The following AGBL1 variants were observed in gnomAD, a reference collection of about 807,000 sequenced individuals.
The protein encoded by AGBL1 is AGBL carboxypeptidase 1.
A neutral mutation model predicts 118.9 loss-of-function variants in AGBL1; 130 were observed. The observed-to-expected ratio is 1.09, with a 90% CI of 0.95 to 1.26. The LOEUF is 1.26. AGBL1 is among the 50% of genes most tolerant of loss of function. AGBL1 has a pLI of 0.00. For missense variants in AGBL1, 1,584 were observed against 1,298.1 expected, an observed-to-expected ratio of 1.22 and a Z score of -3.38; for synonymous variants, 555 against 478.9, an observed-to-expected ratio of 1.16 and a Z score of -2.08.
At chr15:86,890,832 A>T (rs1005447582) in intron 22 of AGBL1, among the ~76,000 whole-genome samples, 2 of 151,986 alleles carry the variant, frequency 1.3e-5, no homozygotes, top group African/African-American at 4.8e-5. Context: ...TAATGCCTCC[A>T]CCTTTGTTCT....
chr15:86,971,103 A>C (rs2081103626), intron 23 of AGBL1, among the ~76,000 whole-genome samples: 1 of 152,036 alleles, frequency 6.6e-6, no homozygotes, highest in Admixed American at 6.6e-5. Flanking sequence ...AAGGATATTG[A>C]GGGACAACTC....
chr15:86,246,008 C>G (rs1009208652), intron 6 of AGBL1, among the ~76,000 whole-genome samples: 4 of 152,160 alleles, frequency 2.6e-5, no homozygotes, highest in Non-Finnish European at 5.9e-5. Flanking sequence ...GCCTCAGTCT[C>G]CCTAGTAACT....
intron 22 of AGBL1, among the ~76,000 whole-genome samples, chr15:86,886,515 A>C (rs2079973298): frequency 6.6e-6 from 1 of 152,186 alleles, no homozygotes; most frequent in East Asian, 1.9e-4. Context: ...TTTAATTAGC[A>C]TTTGTTTTGG....
At chr15:86,543,791 T>C (rs1245054858) in intron 19 of AGBL1, among the ~76,000 whole-genome samples, 2 of 152,240 alleles carry the variant, frequency 1.3e-5, no homozygotes, top group African/African-American at 2.4e-5. Context: ...TACAGAATTG[T>C]TATGAACCAG....
intron 20 of AGBL1, among the ~76,000 whole-genome samples, chr15:86,554,040 T>C (rs1015430296): frequency 6.6e-6 from 1 of 151,982 alleles, no homozygotes; most frequent in Admixed American, 6.6e-5. Flanking sequence ...TTTGTATTTT[T>C]AGTAAGACGG....
At chr15:86,433,643 G>C (rs147369290) in intron 18 of AGBL1, among the ~76,000 whole-genome samples, 1 of 152,120 alleles carries the variant, frequency 6.6e-6, no homozygotes, top group African/African-American at 2.4e-5. Flanking sequence ...GGCATGCACT[G>C]TGTGGCAATT....
intron 16 of AGBL1, among the ~76,000 whole-genome samples, chr15:86,284,494 T>C (rs1286672031): frequency 6.6e-6 from 1 of 152,230 alleles, no homozygotes; most frequent in Non-Finnish European, 1.5e-5. Context: ...AGAACATGCC[T>C]GTAGCATATT....
chr15:86,346,470 C>A (rs1424198679), intron 17 of AGBL1, among the ~76,000 whole-genome samples: 2 of 152,040 alleles, frequency 1.3e-5, no homozygotes, highest in Non-Finnish European at 2.9e-5. Flanking sequence ...CCTCAGCCTC[C>A]CGAGTAACTG....
chr15:86,845,354 T>C (rs2079303628), intron 22 of AGBL1, among the ~76,000 whole-genome samples: 1 of 152,138 alleles, frequency 6.6e-6, no homozygotes, highest in South Asian at 2.1e-4. Flanking sequence ...TTGTCCTTTA[T>C]ACTATGCACT....
At chr15:86,569,143 C>A (rs2083962701) in intron 21 of AGBL1, among the ~76,000 whole-genome samples, 1 of 151,922 alleles carries the variant, frequency 6.6e-6, no homozygotes. Context: ...ATATGAAATC[C>A]AGATGCTGCT....
chr15:86,234,531 A>G (rs1476443726), intron 6 of AGBL1, among the ~76,000 whole-genome samples: 5 of 145,760 alleles, frequency 3.4e-5, no homozygotes, highest in African/African-American at 1.3e-4. Flanking sequence ...AGCCTGGGCG[A>G]CAGAGTGAGA....
In AGBL1 at chr15:86,257,953, T is replaced by A; in HGVS notation, c.902-11T>A. The A allele has an allele frequency of 6.2e-7, 1 of 1,612,586 alleles. No individual in the cohort carries two copies. The highest frequency in any genetic ancestry group is 8.5e-7 in the Non-Finnish European group (1 of 1,179,522). ...AAACTTCACTTATTTCACCTCTTTT[T>A]CCCCATCCAGAGGATTTTGAAGATG... On this transcript the variant is annotated splice_polypyrimidine_tract_variant and intron_variant, in intron 8 of 22. Transcript: ENST00000614907.
intron 22 of AGBL1, among the ~76,000 whole-genome samples, chr15:86,843,857 C>T (rs749629248): frequency 6.6e-5 from 10 of 152,140 alleles, no homozygotes; most frequent in Non-Finnish European, 1.2e-4. Flanking sequence ...TTATCATCAT[C>T]CCTATTTTCC....
At chr15:86,662,603 A>C (rs779687163) in intron 21 of AGBL1, among the ~76,000 whole-genome samples, 2 of 152,236 alleles carry the variant, frequency 1.3e-5, no homozygotes, top group East Asian at 3.8e-4. Flanking sequence ...GCAATGATAG[A>C]GGGAGCTTGT....
In AGBL1 at chr15:86,725,215, TTG is replaced by T. The variant is rs761452346; in HGVS notation, c.3158+50781_3158+50782del. On this transcript the variant is annotated intron_variant, in intron 22 of 22. Coordinates refer to ENST00000614907, the MANE Select transcript of AGBL1 (RefSeq NM_001386094.1). ...ACAAGCTACAGGAGAACAAAATACA[TTG>T]TTTCATTCAAGGAGCTCATAGGAGC... 2.6e-5 allele frequency among the ~76,000 whole-genome samples: 4 copies of T among 152,226 alleles called. No individual in the cohort carries two copies. In the East Asian group the frequency reaches 5.8e-4, roughly 22 times the overall value.
At chr15:86,346,841 A>G (rs1404333056) in intron 17 of AGBL1, among the ~76,000 whole-genome samples, 3 of 152,200 alleles carry the variant, frequency 2.0e-5, no homozygotes, top group Non-Finnish European at 4.4e-5. Context: ...GGAAGCTTTG[A>G]GAATCCATGC....
In AGBL1 at chr15:86,362,839, C is replaced by T. The variant is rs184277217; in HGVS notation, c.2375-34527C>T. The stretch of plus-strand genomic sequence containing the variant: ...GAGTTGAGGTGGATGTGTTTCCTGC[C>T]TTCACCCAGTTCCCTGGGTGGGCAG... On this transcript the variant is annotated intron_variant, in intron 17 of 22. Coordinates refer to ENST00000614907, the MANE Select transcript of AGBL1 (RefSeq NM_001386094.1). 2.6e-3 allele frequency among the ~76,000 whole-genome samples: 391 copies of T among 152,310 alleles called. 1 individual carries two copies. Among genetic ancestry groups the T allele is most frequent in the Middle Eastern group, 3.4e-3 (1 of 294 alleles).
intron 17 of AGBL1, among the ~76,000 whole-genome samples, chr15:86,305,725 A>T (rs982890315): frequency 6.6e-6 from 1 of 152,308 alleles, no homozygotes; most frequent in African/African-American, 2.4e-5. Context: ...GCACACACAC[A>T]TGCACACTCA....
At chr15:86,219,945 CTTTTTTTTTTTTTTT>C (rs68023928) in intron 5 of AGBL1, among the ~76,000 whole-genome samples, 2 of 85,772 alleles carry the variant, frequency 2.3e-5, no homozygotes, top group South Asian at 5.7e-4. Flanking sequence ...AATGCTGCCT[CTTTTTTTTTTTTTTT>C]TTTTTTTTTT....
Sources: allele counts gnomAD v4.1 joint callset (sites outside exome capture counted in the v4.1 genomes callset), GRCh38; gene constraint gnomAD v4.1.1; transcripts MANE v1.5; gene names NCBI Gene and HGNC (gene_info 2026-07-23, HGNC 2026-07-21).